The following P2RY11 variants were observed in gnomAD, a reference collection of about 807,000 sequenced individuals.
The protein encoded by P2RY11 is purinergic receptor P2Y11, also known as P2Y purinoceptor 11.
Under a neutral mutation model 2.4 loss-of-function variants are expected in P2RY11, and 3 were observed. The observed-to-expected ratio is 1.22, with a 90% confidence interval of 0.56 to 3.17. P2RY11 has a LOEUF of 3.17. Among genes scored for constraint, P2RY11 ranks in the 30% most tolerant of loss-of-function variants. The pLI, the probability that P2RY11 is intolerant of heterozygous loss-of-function variation, is 0.03. For synonymous variants in P2RY11, 307 were observed against 237.3 expected (o/e 1.29, Z -2.70); for missense variants, 670 against 528.2 (o/e 1.27, Z -2.63).
chr19:10,112,710 G>C (rs759858751), intron 1 of P2RY11, among the ~76,000 whole-genome samples: 1 of 152,184 alleles, frequency 6.6e-6, no homozygotes, highest in Non-Finnish European at 1.5e-5. Flanking sequence ...AGGCTGAGGC[G>C]GGCAGATCTG....
Position 10,111,893 on chromosome 19 carries a change from C to T in P2RY11, c.19+153C>T, listed in dbSNP as rs371898048. ...TTGGGAGGTCGAGGGGGGTGGAACA[C>T]GAGGTCAGGGGTTCGAGACCACCCT... is the stretch of plus-strand genomic sequence containing the variant. On this transcript the variant is annotated intron_variant, in intron 1 of 1. Transcript: ENST00000321826. Among the ~76,000 whole-genome samples the T allele has an allele frequency of 5.1e-4, 77 of 152,058 alleles. 1 individual carries two copies. In the East Asian group the frequency reaches 0.011, roughly 23 times the overall value.
In P2RY11 at chr19:10,114,622, G is replaced by A. The variant is rs764468146; in HGVS notation, c.1009G>A (p.Gly337Ser). Residue 337 changes from glycine (G) to serine (S), a missense_variant, in exon 2 of 2, where the codon GGC becomes AGC. Transcript: ENST00000321826. ...GGGCTGCTGCTGCCGACACTGCCCC[G>A]GCTACAGGGACAGCTGGAACCCAGA... ...SLGCCCRHCP[G>S]YRDSWNPEDA... 2.4e-5 allele frequency: 38 copies of A among 1,613,824 alleles called. No individual in the cohort carries two copies. Among genetic ancestry groups the A allele is most frequent in the Admixed American group, 8.3e-5 (5 of 59,998 alleles).
At position 10,115,369 on chromosome 19, in the gene P2RY11, A is replaced by G; in HGVS notation, c.*631A>G. ...AACAATAAAGGACTGTCCCCTCAAA[A>G]CCAGCCGGGGGACTGTTAAATTGGC... is the stretch of plus-strand genomic sequence containing the variant. On this transcript the variant is annotated 3_prime_UTR_variant, in exon 2 of 2. Coordinates refer to ENST00000321826, the MANE Select transcript of P2RY11 (RefSeq NM_002566.5). 1.5e-6 allele frequency: 2 copies of G among 1,329,820 alleles called. No homozygotes were observed. Among genetic ancestry groups the G allele is most frequent in the Non-Finnish European group, 2.1e-6 (2 of 967,210 alleles). 82.4% of individuals were successfully genotyped at this position (1,329,820 alleles called of 1,614,324 possible). A position where few individuals can be genotyped will look rare whatever the true frequency, so the allele number is the denominator to read the frequency against.
In P2RY11 at chr19:10,114,084, C is replaced by T. The variant is rs143001269; in HGVS notation, c.471C>T (p.Ala157=). The change falls in exon 2 of 2, where the codon GCC becomes GCT. Residue 157 remains alanine, a synonymous_variant. Coordinates refer to ENST00000321826, the MANE Select transcript of P2RY11 (RefSeq NM_002566.5). ...WAVSAAGWVL[A]ALLAMPTLSF... ...TGAGCGCTGCCGGCTGGGTCCTGGC[C>T]GCCCTGCTGGCCATGCCCACACTCA... 44 of 1,600,350 alleles carry T rather than the reference C, an allele frequency of 2.7e-5. No individual in the cohort carries two copies. The highest frequency in any genetic ancestry group is 1.6e-4 in the Middle Eastern group (1 of 6,078).
At position 10,114,446 on chromosome 19, in the gene P2RY11, G is replaced by A; in HGVS notation, c.833G>A (p.Trp278Ter). The change falls in exon 2 of 2, where the codon TGG becomes TAG. Residue 278 changes from tryptophan to a stop codon, truncating the protein, a stop_gained. Coordinates refer to ENST00000321826, the MANE Select transcript of P2RY11 (RefSeq NM_002566.5). LOFTEE classifies it low-confidence loss of function (END_TRUNC). ...RVLNVDARRRWSTRCPSFADI... is the reference protein window; with the variant it reads ...RVLNVDARRR ...CTCAACGTGGATGCTCGGCGGCGCT[G>A]GAGCACCCGCTGCCCGAGCTTTGCA... 1 of 1,611,728 alleles carries A rather than the reference G, an allele frequency of 6.2e-7. No homozygotes were observed. The highest frequency in any genetic ancestry group is 8.5e-7 in the Non-Finnish European group (1 of 1,179,884).
rs746482132 is a variant in P2RY11 at position 10,111,760 on chromosome 19, G to A, written c.19+20G>A. Reference sequence around the variant, plus strand: ...TCTCGGGTAAGGAGAAGGCATGTTGGCTGTCTCTGGGGGTCTGCAGATTGT... The same window carrying A: ...TCTCGGGTAAGGAGAAGGCATGTTGACTGTCTCTGGGGGTCTGCAGATTGT... On this transcript the variant is annotated intron_variant, in intron 1 of 1. Coordinates refer to ENST00000321826, the MANE Select transcript of P2RY11 (RefSeq NM_002566.5). 1 of 1,613,320 alleles carries A rather than the reference G, an allele frequency of 6.2e-7. No individual in the cohort carries two copies.
At chr19:10,111,769 G>A in intron 1 of P2RY11, 29 bp downstream of exon 1, 1 of 1,613,114 alleles carries the variant, frequency 6.2e-7, no homozygotes, top group Non-Finnish European at 8.5e-7. Context: ...GGCTGTCTCT[G>A]GGGGTCTGCA....
chr19:10,112,856 C>A (rs1180323139), intron 1 of P2RY11, among the ~76,000 whole-genome samples: 1 of 152,144 alleles, frequency 6.6e-6, no homozygotes, highest in Admixed American at 6.5e-5. Context: ...GCAGGAGAAT[C>A]ACTTGAACCC....
chr19:10,113,677 AAAC>A lies in P2RY11; in HGVS notation c.65_67del (p.Lys22_Leu23delinsIle). 3.8e-6 allele frequency: 6 copies of A among 1,593,098 alleles called. No homozygotes were observed. The highest frequency in any genetic ancestry group is 2.3e-5 in the East Asian group (1 of 43,628). On this transcript the variant is annotated inframe_deletion, in exon 2 of 2. Coordinates refer to ENST00000321826, the MANE Select transcript of P2RY11 (RefSeq NM_002566.5). ...CAACTTCTTGGCAGCTGCCGACGAC[AAAC>A]TCAGTGGGTTCCAGGGGGACTTCCT...
In P2RY11 at chr19:10,114,440, G is replaced by A. The variant is rs375857989; in HGVS notation, c.827G>A (p.Arg276Gln). ...CGGGTGCTCAACGTGGATGCTCGGC[G>A]GCGCTGGAGCACCCGCTGCCCGAGC... ...IMRVLNVDARRRWSTRCPSFA... is the reference protein window; with the variant it reads ...IMRVLNVDARQRWSTRCPSFA... The change falls in exon 2 of 2, where the codon CGG (arginine) becomes CAG (glutamine). Residue 276 changes from arginine to glutamine, a missense_variant. Physicochemically the swap from Arg to Gln is conservative, Grantham distance 43. Transcript: ENST00000321826. The A allele has an allele frequency of 5.5e-5, 88 of 1,611,546 alleles. No homozygotes were observed. The highest frequency in any genetic ancestry group is 3.2e-4 in the African/African-American group (24 of 75,060).
At position 10,113,893 on chromosome 19, in the gene P2RY11, C is replaced by T. The variant is rs779068603; in HGVS notation, c.280C>T (p.His94Tyr). 6.2e-7 allele frequency: 1 copy of T among 1,608,834 alleles called. No individual in the cohort carries two copies. The highest frequency in any genetic ancestry group is 8.5e-7 in the Non-Finnish European group (1 of 1,179,762). Residue 94 changes from histidine (H) to tyrosine (Y), a missense_variant, in exon 2 of 2, where the codon CAC becomes TAC. Physicochemically the swap from His to Tyr is moderately conservative, Grantham distance 83 (BLOSUM62 2). Transcript: ENST00000321826. ...PLAAYLYPPK[H>Y]WRYGEAACRL... ...GGCCGCCTACCTCTATCCCCCCAAG[C>T]ACTGGCGCTATGGGGAGGCCGCGTG...
chr19:10,112,299 A>G (rs2089114256), intron 1 of P2RY11: 1 of 153,694 alleles, frequency 6.5e-6, no homozygotes, highest in Admixed American at 6.5e-5. Context: ...CGTCTAGACG[A>G]CACTTCCTCC....
chr19:10,115,191 C>G lies in P2RY11; in HGVS notation c.*453C>G, dbSNP rs1376151099. On this transcript the variant is annotated 3_prime_UTR_variant, in exon 2 of 2. Transcript: ENST00000321826. ...GGGGCACCCCAAGACCCCAGACACC[C>G]AAGTGGCATCTTGGGGGTGGGTGGG... 6.3e-7 allele frequency: 1 copy of G among 1,596,542 alleles called. No individual in the cohort carries two copies. Among genetic ancestry groups the G allele is most frequent in the East Asian group, 2.2e-5 (1 of 44,564 alleles).
Position 10,115,110 on chromosome 19 carries a change from T to G in P2RY11, c.*372T>G. Reference sequence around the variant, plus strand: ...CCCGGACCGAGTACACAGTGGCAGCTGGCTTAGTTGGTGGACGGCCTGGGG... The same window carrying G: ...CCCGGACCGAGTACACAGTGGCAGCGGGCTTAGTTGGTGGACGGCCTGGGG... On this transcript the variant is annotated 3_prime_UTR_variant, in exon 2 of 2. Coordinates refer to ENST00000321826, the MANE Select transcript of P2RY11 (RefSeq NM_002566.5). 6.2e-7 allele frequency: 1 copy of G among 1,613,850 alleles called. No individual in the cohort carries two copies. The highest frequency in any genetic ancestry group is 8.5e-7 in the Non-Finnish European group (1 of 1,179,978).
Position 10,111,718 on chromosome 19 carries a change from G to A in P2RY11, c.-4G>A, listed in dbSNP as rs1331646082. The A allele has an allele frequency of 1.2e-6, 2 of 1,613,782 alleles. No individual in the cohort carries two copies. Among genetic ancestry groups the A allele is most frequent in the East Asian group, 4.5e-5 (2 of 44,880 alleles). Reference sequence around the variant, plus strand: ...AGACACAGGCTGAGGATCGGCACGGGAGCATGGCAGCCAACGTCTCGGGTA... The same window carrying A: ...AGACACAGGCTGAGGATCGGCACGGAAGCATGGCAGCCAACGTCTCGGGTA... On this transcript the variant is annotated 5_prime_UTR_variant, in exon 1 of 2. Coordinates refer to ENST00000321826, the MANE Select transcript of P2RY11 (RefSeq NM_002566.5).
rs543245557 is a variant in P2RY11 at position 10,114,721 on chromosome 19, C to T, written c.1108C>T (p.Arg370Cys). 4.0e-5 allele frequency: 65 copies of T among 1,606,928 alleles called. 1 individual carries two copies. The highest frequency in any genetic ancestry group is 1.1e-4 in the East Asian group (5 of 44,710). The change falls in exon 2 of 2, where the codon CGT (arginine) becomes TGT (cysteine). Residue 370 changes from arginine to cysteine, a missense_variant. Coordinates refer to ENST00000321826, the MANE Select transcript of P2RY11 (RefSeq NM_002566.5). The part of the protein sequence containing the change: ...AAPKPSEPQS[R>C]ELSQ ...CCCTAAACCGTCAGAGCCCCAGTCC[C>T]GTGAGCTGAGCCAATGATGTGGCCT...
At position 10,114,125 on chromosome 19, in the gene P2RY11, A is replaced by G; in HGVS notation, c.512A>G (p.Lys171Arg). ...CCCACACTCAGCTTCTCCCACCTGA[A>G]GAGGCCGCAGCAGGGGGCGGGCAAC... Reference protein sequence around the residue: ...AMPTLSFSHLKRPQQGAGNCS... With the variant: ...AMPTLSFSHLRRPQQGAGNCS... Residue 171 changes from lysine to arginine, a missense_variant, in exon 2 of 2, where the codon AAG becomes AGG. Coordinates refer to ENST00000321826, the MANE Select transcript of P2RY11 (RefSeq NM_002566.5). The G allele has an allele frequency of 6.2e-7, 1 of 1,601,050 alleles. No homozygotes were observed. Among genetic ancestry groups the G allele is most frequent in the South Asian group, 1.1e-5 (1 of 91,064 alleles).
Position 10,114,996 on chromosome 19 carries a change from A to G in P2RY11, c.*258A>G, listed in dbSNP as rs879239324. The G allele has an allele frequency of 2.4e-5, 37 of 1,523,168 alleles. No individual in the cohort carries two copies. In the South Asian group the frequency reaches 4.0e-4, roughly 16 times the overall value. 94.4% of individuals were successfully genotyped at this position (1,523,168 alleles called of 1,614,324 possible). On this transcript the variant is annotated 3_prime_UTR_variant, in exon 2 of 2. Coordinates refer to ENST00000321826, the MANE Select transcript of P2RY11 (RefSeq NM_002566.5). Reference sequence around the variant, plus strand: ...CCCCCGCCACAGGACTGGAGACGCAAGAACAAAAAGAACCAAGTAGAGAGA... The same window carrying G: ...CCCCCGCCACAGGACTGGAGACGCAGGAACAAAAAGAACCAAGTAGAGAGA...
chr19:10,114,890 C>A lies in P2RY11; in HGVS notation c.*152C>A, dbSNP rs2089210926. 1 of 1,411,946 alleles carries A rather than the reference C, an allele frequency of 7.1e-7. No homozygotes were observed. Among genetic ancestry groups the A allele is most frequent in the African/African-American group, 1.4e-5 (1 of 69,974 alleles). The allele number at this position is 1,411,946 out of a possible 1,614,324, so 87.5% of individuals were successfully genotyped here. On this transcript the variant is annotated 3_prime_UTR_variant, in exon 2 of 2. Transcript: ENST00000321826. ...GCTGCAGCCCAGGCAGGAGCAGTCGCCTTTCCCACCCACAGCGCTGGCCAC... is the reference window on the plus strand; with the variant it reads ...GCTGCAGCCCAGGCAGGAGCAGTCGACTTTCCCACCCACAGCGCTGGCCAC...
Sources: allele counts gnomAD v4.1 joint callset (sites outside exome capture counted in the v4.1 genomes callset), GRCh38; gene constraint gnomAD v4.1.1; transcripts MANE v1.5; gene names NCBI Gene and HGNC (gene_info 2026-07-23, HGNC 2026-07-21).